SYAP1: variants seen among roughly 807,000 people sequenced by gnomAD.
The protein encoded by SYAP1 is synapse-associated protein 1.
SYAP1 carries 3 observed loss-of-function variants against 29.6 expected under a neutral mutation model. That is an observed-to-expected ratio of 0.10 (90% CI 0.05 to 0.26). The LOEUF (loss-of-function observed/expected upper bound fraction) is 0.26, where lower values mean the gene tolerates loss of function less well. Ranked by LOEUF, SYAP1 falls within the 10% of genes least tolerant of loss-of-function variation. The pLI is 1.00. For synonymous variants in SYAP1, 102 were observed against 102.7 expected, an observed-to-expected ratio of 0.99 and a Z score of 0.04; for missense variants, 217 against 264.1, an observed-to-expected ratio of 0.82 and a Z score of 1.24.
chrX:16,724,982 A>G (rs1926053680), intron 1 of SYAP1, among the ~76,000 whole-genome samples: 1 of 111,935 alleles, frequency 8.9e-6, no homozygotes, highest in African/African-American at 3.3e-5. Context: ...GGCAGAAGAG[A>G]TGGGCTACTG....
intron 5 of SYAP1, among the ~76,000 whole-genome samples, chrX:16,747,816 C>T (rs768905670): frequency 8.9e-6 from 1 of 111,972 alleles, no homozygotes; most frequent in African/African-American, 3.2e-5. Context: ...AGCGCAATGG[C>T]TCACGCCTGT....
intron 1 of SYAP1, among the ~76,000 whole-genome samples, chrX:16,722,702 T>G (rs374964386): frequency 4.5e-5 from 5 of 110,730 alleles, no homozygotes; most frequent in African/African-American, 1.6e-4. Flanking sequence ...ACTCCCTCAC[T>G]CAAAACCAAA....
rs188330573 is a variant in SYAP1, at chrX:16,744,405, C to T, written c.575+565C>T. 6.5e-4 allele frequency among the ~76,000 whole-genome samples: 73 copies of T among 112,856 alleles called. No individual in the cohort carries two copies. In the East Asian group the frequency reaches 0.015, roughly 23 times the overall value. On this transcript the variant is annotated intron_variant, in intron 5 of 8. Coordinates refer to ENST00000380155, the MANE Select transcript of SYAP1 (RefSeq NM_032796.4). ...TTCCGTGCCTTCTCCAGTCCAGTCCCTTGTATTGAAGCTGTCGCATGTTTG... is the reference window on the plus strand; with the variant it reads ...TTCCGTGCCTTCTCCAGTCCAGTCCTTTGTATTGAAGCTGTCGCATGTTTG...
rs144175479 is a variant in SYAP1, at chrX:16,742,143, G to GTTTTTTTTTTT, written c.435+370_435+380dup. ...ACCATGCCCAGCTAATTTTTGTGTG[G>GTTTTTTTTTTT]TTTTTTTTTTTTTTTTTTTTTTTTT... On this transcript the variant is annotated intron_variant, in intron 4 of 8. Transcript: ENST00000380155. Among the ~76,000 whole-genome samples the GTTTTTTTTTTT allele has an allele frequency of 2.6e-4, 11 of 41,872 alleles. 3 individuals are homozygous for GTTTTTTTTTTT. Among genetic ancestry groups the GTTTTTTTTTTT allele is most frequent in the African/African-American group, 1.3e-3 (10 of 7,526 alleles). 36.4% of individuals were successfully genotyped at this position (41,872 alleles called of 115,157 possible).
intron 8 of SYAP1, among the ~76,000 whole-genome samples, chrX:16,758,095 G>C: frequency 9.0e-6 from 1 of 111,087 alleles, no homozygotes; most frequent in Non-Finnish European, 1.9e-5. Flanking sequence ...CCAGGCTGAA[G>C]TGCAATAGTG....
intron 8 of SYAP1, among the ~76,000 whole-genome samples, chrX:16,760,030 C>T (rs532527618): frequency 8.9e-6 from 1 of 112,688 alleles, no homozygotes; most frequent in South Asian, 3.6e-4. Flanking sequence ...TCTACATTAA[C>T]AGATTTATCT....
At chrX:16,720,222 C>T in intron 1 of SYAP1, among the ~76,000 whole-genome samples, 1 of 112,159 alleles carries the variant, frequency 8.9e-6, no homozygotes, top group Non-Finnish European at 1.9e-5. Context: ...CTTTTTTGTT[C>T]AACTCGAAAA....
intron 5 of SYAP1, among the ~76,000 whole-genome samples, chrX:16,751,816 C>G (rs1376525777): frequency 9.5e-6 from 1 of 105,431 alleles, no homozygotes; most frequent in African/African-American, 3.5e-5. Flanking sequence ...GTAGCCGGGA[C>G]TACAAGCATG....
chrX:16,745,038 C>T (rs924588513), intron 5 of SYAP1, among the ~76,000 whole-genome samples: 3 of 112,086 alleles, frequency 2.7e-5, no homozygotes, highest in Non-Finnish European at 5.6e-5. Context: ...GGGGATCTGT[C>T]GTTTATGTGG....
intron 1 of SYAP1, among the ~76,000 whole-genome samples, chrX:16,732,361 C>G (rs1045816302): frequency 3.7e-5 from 4 of 109,449 alleles, no homozygotes; most frequent in African/African-American, 1.3e-4. Context: ...TACATTCCAG[C>G]CTTTGCATAA....
intron 1 of SYAP1, among the ~76,000 whole-genome samples, chrX:16,724,120 G>A (rs114983836): frequency 0.031 from 3,513 of 112,073 alleles, 158 homozygotes; most frequent in African/African-American, 0.11. Context: ...GTGATGTATT[G>A]CAATGAAAGA....
At chrX:16,742,143 GTTTTT>G (rs144175479) in intron 4 of SYAP1, among the ~76,000 whole-genome samples, 7 of 41,872 alleles carry the variant, frequency 1.7e-4, no homozygotes, top group African/African-American at 8.0e-4. Context: ...TTTTTGTGTG[GTTTTT>G]TTTTTTTTTT....
At chrX:16,723,165 G>A (rs1452768678) in intron 1 of SYAP1, among the ~76,000 whole-genome samples, 1 of 111,875 alleles carries the variant, frequency 8.9e-6, no homozygotes, top group Non-Finnish European at 1.9e-5. Flanking sequence ...TGTAGGGAAA[G>A]TATATTTCAA....
chrX:16,753,264 A>T (rs1011271714), intron 5 of SYAP1, among the ~76,000 whole-genome samples: 3 of 108,185 alleles, frequency 2.8e-5, no homozygotes, highest in African/African-American at 1.0e-4. Context: ...AAAAAAAAAA[A>T]TTAGCAAGGC....
intron 6 of SYAP1, among the ~76,000 whole-genome samples, chrX:16,755,442 G>A (rs755772506): frequency 9.1e-6 from 1 of 109,813 alleles, no homozygotes; most frequent in South Asian, 3.9e-4. Flanking sequence ...ACAGGCATGA[G>A]CCACTGTGCC....
At chrX:16,744,837 G>A (rs1305163840) in intron 5 of SYAP1, among the ~76,000 whole-genome samples, 4 of 111,456 alleles carry the variant, frequency 3.6e-5, no homozygotes, top group East Asian at 5.6e-4. Context: ...GTAGTGGTGC[G>A]CACCTTTAGT....
intron 7 of SYAP1, 82 bp downstream of exon 7, chrX:16,756,803 A>T (rs1432037126): frequency 1.1e-6 from 1 of 948,698 alleles, no homozygotes; most frequent in Non-Finnish European, 1.5e-6. Flanking sequence ...ACCATTTAAA[A>T]CTATGTATGA....
intron 1 of SYAP1, among the ~76,000 whole-genome samples, chrX:16,729,117 T>A (rs1216836164): frequency 2.7e-5 from 3 of 111,053 alleles, no homozygotes; most frequent in Non-Finnish European, 5.7e-5. Flanking sequence ...TTAACATAAT[T>A]ATAATTATTA....
At chrX:16,753,941 C>G (rs569643328) in intron 5 of SYAP1, among the ~76,000 whole-genome samples, 1 of 110,863 alleles carries the variant, frequency 9.0e-6, no homozygotes, top group Middle Eastern at 4.6e-3. Flanking sequence ...TTGGTTCTCA[C>G]TCTCCGTTCC....
Sources: allele counts gnomAD v4.1 joint callset (sites outside exome capture counted in the v4.1 genomes callset), GRCh38; gene constraint gnomAD v4.1.1; transcripts MANE v1.5; gene names NCBI Gene and HGNC (gene_info 2026-07-23, HGNC 2026-07-21).